PDS5B: variants seen among roughly 807,000 people sequenced by gnomAD.
PDS5B encodes the protein sister chromatid cohesion protein PDS5 homolog B.
In PDS5B, 51 loss-of-function variants were observed where a neutral mutation model predicts 184.1. That is an observed-to-expected ratio of 0.28 (90% CI 0.22 to 0.35). PDS5B has a LOEUF of 0.35. Among genes scored for constraint, PDS5B ranks in the 10% least tolerant of loss-of-function variants. The probability of loss-of-function intolerance (pLI) is 1.00; values close to 1 mark genes in which losing one functional copy is unlikely to be tolerated. For missense variants in PDS5B, 1,180 were observed against 1,723.3 expected (o/e 0.68, Z 5.58); for synonymous variants, 566 against 569.2 (o/e 0.99, Z 0.08).
At chr13:32,729,454 A>G (rs983410582) in intron 19 of PDS5B, among the ~76,000 whole-genome samples, 1 of 152,162 alleles carries the variant, frequency 6.6e-6, no homozygotes, top group Non-Finnish European at 1.5e-5. Flanking sequence ...TCCTTTGGGT[A>G]TATACCTAGT....
At chr13:32,696,925 T>C in intron 15 of PDS5B, 23 bp downstream of exon 15, 1 of 1,358,050 alleles carries the variant, frequency 7.4e-7, no homozygotes, top group Non-Finnish European at 1.0e-6. Context: ...AAAATCTGTA[T>C]AAAAATGTAA....
chr13:32,601,667 C>A (rs985300884), intron 1 of PDS5B, among the ~76,000 whole-genome samples: 3 of 152,176 alleles, frequency 2.0e-5, no homozygotes, highest in Admixed American at 2.0e-4. Flanking sequence ...GTCTCAACTG[C>A]TTCTGTCTAA....
intron 1 of PDS5B, among the ~76,000 whole-genome samples, chr13:32,600,269 G>T (rs1756156003): frequency 6.6e-6 from 1 of 152,074 alleles, no homozygotes; most frequent in Non-Finnish European, 1.5e-5. Flanking sequence ...CCCCTTGATA[G>T]TAGGTCACAT....
At chr13:32,604,059 C>G (rs961520877) in intron 1 of PDS5B, among the ~76,000 whole-genome samples, 1 of 152,202 alleles carries the variant, frequency 6.6e-6, no homozygotes, top group Admixed American at 6.5e-5. Flanking sequence ...TAATTGAATA[C>G]ACTTTATTTC....
At chr13:32,661,574 C>T (rs532967900) in intron 6 of PDS5B, among the ~76,000 whole-genome samples, 12 of 151,518 alleles carry the variant, frequency 7.9e-5, no homozygotes, top group South Asian at 2.1e-4. Flanking sequence ...TTCAGAATAA[C>T]AAATGGAGAA....
chr13:32,655,242 A>G (rs1448064727), intron 3 of PDS5B, among the ~76,000 whole-genome samples: 3 of 148,880 alleles, frequency 2.0e-5, no homozygotes, highest in African/African-American at 7.4e-5. Context: ...GTACGAGATG[A>G]TATCTTGTTG....
rs45580544 is a variant in PDS5B, at chr13:32,675,849, T to C, written c.852T>C (p.Asn284=). The C allele has an allele frequency of 8.1e-3, 12,921 of 1,592,002 alleles. 133 individuals are homozygous for C. Among genetic ancestry groups the C allele is most frequent in the Admixed American group, 0.048 (2,851 of 59,966 alleles). Residue 284 remains asparagine, a synonymous_variant, in exon 9 of 35, where the codon AAT becomes AAC. Coordinates refer to ENST00000315596, the MANE Select transcript of PDS5B (RefSeq NM_015032.4). Reference sequence around the variant, plus strand: ...GTGATTGTGTTTTATTTTAGAGCAATGATAATGAGGAGCGCCTACAAGTTG... The same window carrying C: ...GTGATTGTGTTTTATTTTAGAGCAACGATAATGAGGAGCGCCTACAAGTTG... The part of the protein sequence containing the change: ...LPQLEFKLKS[N]DNEERLQVVK...
chr13:32,592,065 A>G (rs376693875), intron 1 of PDS5B, among the ~76,000 whole-genome samples: 7 of 152,288 alleles, frequency 4.6e-5, no homozygotes, highest in African/African-American at 1.7e-4. Context: ...CAGGGCAAAT[A>G]AATTTTGTAT....
intron 10 of PDS5B, 83 bp from the exon 11 acceptor site, chr13:32,683,795 G>A: frequency 1.2e-6 from 1 of 857,882 alleles, no homozygotes; most frequent in Non-Finnish European, 1.8e-6. Context: ...TTTTGCTAGG[G>A]CTTATTTTCA....
intron 1 of PDS5B, among the ~76,000 whole-genome samples, chr13:32,609,950 A>C (rs999284142): frequency 8.5e-5 from 13 of 152,202 alleles, no homozygotes; most frequent in Non-Finnish European, 1.9e-4. Context: ...TAATGGCAAT[A>C]AAATTTAATA....
chr13:32,663,614 GA>G (rs1950708921), intron 6 of PDS5B, among the ~76,000 whole-genome samples: 1 of 152,196 alleles, frequency 6.6e-6, no homozygotes, highest in Non-Finnish European at 1.5e-5. Context: ...ATTTAATGGT[GA>G]AATGTTGAAG....
rs778845420 is a variant in PDS5B at position 32,687,301 on chromosome 13, T to G, written c.1355+16T>G. 2 of 1,502,370 alleles carry G rather than the reference T, an allele frequency of 1.3e-6. No individual in the cohort carries two copies. The highest frequency in any genetic ancestry group is 1.4e-5 in the African/African-American group (1 of 70,150). The allele number at this position is 1,502,370 out of a possible 1,614,324, so 93.1% of individuals were successfully genotyped here. On this transcript the variant is annotated intron_variant, in intron 12 of 34. Transcript: ENST00000315596. Reference sequence around the variant, plus strand: ...TTGATGATCGGTAAGTTAAGGACACTATAAATATTTGGTGACTTTGAATGT... The same window carrying G: ...TTGATGATCGGTAAGTTAAGGACACGATAAATATTTGGTGACTTTGAATGT...
intron 19 of PDS5B, among the ~76,000 whole-genome samples, chr13:32,723,948 A>G (rs1187763379): frequency 6.6e-6 from 1 of 152,212 alleles, no homozygotes; most frequent in Non-Finnish European, 1.5e-5. Context: ...AGCTTTAACA[A>G]TGAATAAACT....
At chr13:32,771,303 A>T (rs1382976193) in intron 33 of PDS5B, among the ~76,000 whole-genome samples, 1 of 152,144 alleles carries the variant, frequency 6.6e-6, no homozygotes, top group East Asian at 1.9e-4. Flanking sequence ...CTACATCAAC[A>T]TGTATATAGT....
At chr13:32,644,583 A>T (rs373078715) in intron 1 of PDS5B, among the ~76,000 whole-genome samples, 8 of 151,122 alleles carry the variant, frequency 5.3e-5, no homozygotes, top group Non-Finnish European at 1.2e-4. Flanking sequence ...GTGTCAAATT[A>T]AAAAAAAAGT....
At chr13:32,642,414 G>A (rs1202103342) in intron 1 of PDS5B, among the ~76,000 whole-genome samples, 1 of 152,156 alleles carries the variant, frequency 6.6e-6, no homozygotes. Context: ...TGTGATAATT[G>A]CTAATTGTAG....
At position 32,688,525 on chromosome 13, in the gene PDS5B, A is replaced by T. The variant is rs1198049328; in HGVS notation, c.1425A>T (p.Lys475Asn). ...PHNLETTERM[K>N]CLYYLYATLD... ...ATTTAGAAACTACAGAACGGATGAA[A>T]TGCTTATATTACTTGTATGCCACAC... Residue 475 changes from lysine (K) to asparagine (N), a missense_variant, in exon 13 of 35, where the codon AAA becomes AAT. Lys to Asn is a moderately conservative substitution (Grantham distance 94). Around this residue, in one of 11 missense-constraint regions of PDS5B, gnomAD observed 475 missense variants for 691.5 expected, o/e 0.69. Coordinates refer to ENST00000315596, the MANE Select transcript of PDS5B (RefSeq NM_015032.4). The T allele has an allele frequency of 1.2e-6, 2 of 1,608,274 alleles. No individual in the cohort carries two copies. The highest frequency in any genetic ancestry group is 1.7e-6 in the Non-Finnish European group (2 of 1,175,050).
intron 19 of PDS5B, among the ~76,000 whole-genome samples, chr13:32,719,720 T>C (rs1025131531): frequency 6.6e-6 from 1 of 152,056 alleles, no homozygotes; most frequent in African/African-American, 2.4e-5. Flanking sequence ...ACAAATGATA[T>C]GCTGGAAAAC....
intron 1 of PDS5B, among the ~76,000 whole-genome samples, chr13:32,619,982 A>G (rs1387204503): frequency 6.6e-6 from 1 of 152,004 alleles, no homozygotes; most frequent in Non-Finnish European, 1.5e-5. Flanking sequence ...TATTTTTAGT[A>G]GAGACAGGGT....
Sources: gnomAD v4.1 joint callset for allele counts (sites outside exome capture counted in the v4.1 genomes callset) on GRCh38, gnomAD v4.1.1 for gene constraint, gnomAD v4.1.1 regional missense constraint, MANE v1.5 for transcripts, NCBI Gene and HGNC (gene_info 2026-07-23, HGNC 2026-07-21) for gene names.